Variants in PLEKHG1 observed in about 807,000 individuals in gnomAD.
PLEKHG1 encodes the protein pleckstrin homology and RhoGEF domain containing G1.
Under a neutral mutation model 100.8 loss-of-function variants are expected in PLEKHG1, and 44 were observed. That is an observed-to-expected ratio of 0.44 (90% confidence interval 0.34 to 0.56). The LOEUF (loss-of-function observed/expected upper bound fraction) is 0.56, where lower values mean the gene tolerates loss of function less well. Among genes scored for constraint, PLEKHG1 ranks in the 20% least tolerant of loss-of-function variants. PLEKHG1 has a pLI of 0.01. For missense variants in PLEKHG1, 1,545 were observed against 1,720.9 expected (o/e 0.90, Z 1.81); for synonymous variants, 640 against 662.5 (o/e 0.97, Z 0.52).
chr6:150,755,380 TACG>T (rs1394070186), intron 2 of PLEKHG1, among the ~76,000 whole-genome samples: 2 of 152,228 alleles, frequency 1.3e-5, no homozygotes, highest in Non-Finnish European at 2.9e-5. Context: ...TTAGCCTTCC[TACG>T]GCACTGGTAT....
At chr6:150,712,178 C>T (rs182264593) in intron 3 of PLEKHG1, among the ~76,000 whole-genome samples, 10 of 152,216 alleles carry the variant, frequency 6.6e-5, no homozygotes, top group Admixed American at 1.3e-4. Context: ...GTTAAGGGAG[C>T]GCAAGAAAGG....
At chr6:150,834,579 C>A (rs1346707823) in intron 15 of PLEKHG1, among the ~76,000 whole-genome samples, 1 of 152,218 alleles carries the variant, frequency 6.6e-6, no homozygotes, top group Non-Finnish European at 1.5e-5. Flanking sequence ...GGGCCTACGA[C>A]TACCTCGAGT....
At chr6:150,805,685 G>A (rs537847405) in intron 7 of PLEKHG1, among the ~76,000 whole-genome samples, 27 of 151,944 alleles carry the variant, frequency 1.8e-4, no homozygotes, top group African/African-American at 4.4e-4. Flanking sequence ...ATACCACCAC[G>A]CCCGGCTCAT....
chr6:150,718,623 C>T (rs1781531642), upstream of PLEKHG1, among the ~76,000 whole-genome samples: 1 of 152,088 alleles, frequency 6.6e-6, no homozygotes, highest in Non-Finnish European at 1.5e-5. Context: ...GCATGCACCA[C>T]CACGTCTGGC....
At chr6:150,729,209 C>T (rs1023972173) in intron 1 of PLEKHG1, among the ~76,000 whole-genome samples, 1 of 152,132 alleles carries the variant, frequency 6.6e-6, no homozygotes, top group South Asian at 2.1e-4. Flanking sequence ...AGGCACAGGC[C>T]GTCACACCTG....
chr6:150,831,961 C>T lies in PLEKHG1; in HGVS notation c.2850C>T (p.Ala950=). Residue 950 remains alanine (A), a synonymous_variant, in exon 15 of 16, where the codon GCC becomes GCT. Transcript: ENST00000358517. The surrounding 1 kb of genome is among the most constrained non-coding windows in gnomAD (Gnocchi z 4.1). ...TCATGGACAATCCCTACGACCTGGC[C>T]AACAGTGGCCTGTCTCAAACAGACC... 1 of 1,613,430 alleles carries T rather than the reference C, an allele frequency of 6.2e-7. No homozygotes were observed. Among genetic ancestry groups the T allele is most frequent in the Middle Eastern group, 1.7e-4 (1 of 6,056 alleles).
chr6:150,680,197 T>G (rs931017436), intron 3 of PLEKHG1, among the ~76,000 whole-genome samples: 6 of 152,220 alleles, frequency 3.9e-5, no homozygotes, highest in East Asian at 3.9e-4. Context: ...GTTATACTAG[T>G]ACAGATGGAA....
intron 2 of PLEKHG1, among the ~76,000 whole-genome samples, chr6:150,756,439 A>G (rs906752015): frequency 2.0e-5 from 3 of 152,192 alleles, no homozygotes; most frequent in African/African-American, 7.2e-5. Flanking sequence ...TGAGCGGAAT[A>G]ACTTAGCCAT....
chr6:150,612,059 C>CACTGG lies in PLEKHG1; in HGVS notation c.-204+12042_-204+12043insACTGG, dbSNP rs1554251538. On this transcript the variant is annotated intron_variant, in intron 1 of 3. Transcript: ENST00000367326. ...CCTGGTGTTGTTCCCCCCCCCCCCC[C>CACTGG]CTTTTCTAGTTCTTAGTTAATAGCA... Among the ~76,000 whole-genome samples the CACTGG allele has an allele frequency of 2.7e-5, 2 of 74,556 alleles. 1 individual carries two copies. The highest frequency in any genetic ancestry group is 2.4e-4 in the Admixed American group (2 of 8,318). The allele number at this position is 74,556 out of a possible 152,430, so 48.9% of individuals were successfully genotyped here.
intron 14 of PLEKHG1, chr6:150,828,154 C>G (rs976494922): frequency 6.2e-7 from 1 of 1,613,698 alleles, no homozygotes; most frequent in African/African-American, 1.3e-5. Flanking sequence ...AGGAATCTGC[C>G]CACGATATTT....
intron 2 of PLEKHG1, among the ~76,000 whole-genome samples, chr6:150,746,821 A>C (rs963928276): frequency 6.6e-6 from 1 of 152,230 alleles, no homozygotes; most frequent in African/African-American, 2.4e-5. Flanking sequence ...GAGGACAGAC[A>C]GTGTAATGGG....
intron 1 of PLEKHG1, among the ~76,000 whole-genome samples, chr6:150,612,046 C>A (rs1033557762): frequency 1.8e-4 from 1 of 5,454 alleles, no homozygotes; most frequent in African/African-American, 5.1e-4. Flanking sequence ...TGGTGTTGTT[C>A]CCCCCCCCCC....
chr6:150,760,189 A>C (rs540540709), intron 2 of PLEKHG1, among the ~76,000 whole-genome samples: 1 of 152,262 alleles, frequency 6.6e-6, no homozygotes, highest in South Asian at 2.1e-4. Context: ...ATGAAGATGA[A>C]TCAGTTTCTT....
chr6:150,798,605 T>C (rs186384882), intron 5 of PLEKHG1, among the ~76,000 whole-genome samples: 223 of 152,332 alleles, frequency 1.5e-3, no homozygotes, highest in Admixed American at 4.0e-3. Flanking sequence ...AAGCAGTTTC[T>C]GTTCTTTTGA....
intron 15 of PLEKHG1, among the ~76,000 whole-genome samples, chr6:150,835,472 T>A (rs901469157): frequency 6.6e-6 from 1 of 152,198 alleles, no homozygotes; most frequent in African/African-American, 2.4e-5. Flanking sequence ...GCAAACATTA[T>A]TCTAAATTTT....
intron 10 of PLEKHG1, among the ~76,000 whole-genome samples, chr6:150,810,185 G>C (rs949806703): frequency 5.9e-5 from 9 of 151,706 alleles, no homozygotes; most frequent in Non-Finnish European, 1.3e-4. Flanking sequence ...TGTAGTCCCA[G>C]TTACTCTGGG....
intron 1 of PLEKHG1, among the ~76,000 whole-genome samples, chr6:150,609,013 T>G (rs1776717041): frequency 1.3e-5 from 2 of 152,180 alleles, no homozygotes; most frequent in African/African-American, 2.4e-5. Flanking sequence ...GCTGGAATAA[T>G]AAACCAACAT....
At chr6:150,704,611 T>G (rs1340042494) in intron 3 of PLEKHG1, among the ~76,000 whole-genome samples, 14 of 152,242 alleles carry the variant, frequency 9.2e-5, no homozygotes, top group Non-Finnish European at 1.8e-4. Flanking sequence ...CAGGTACCTT[T>G]GCCCATTCCT....
At chr6:150,790,552 C>A (rs13206382) in intron 4 of PLEKHG1, among the ~76,000 whole-genome samples, 1 of 152,056 alleles carries the variant, frequency 6.6e-6, no homozygotes, top group Non-Finnish European at 1.5e-5. Context: ...AGTCCTACAT[C>A]GAGAGATCTA....
Sources: gnomAD v4.1 joint callset for allele counts (sites outside exome capture counted in the v4.1 genomes callset) on GRCh38, gnomAD v4.1.1 for gene constraint, Gnocchi (gnomAD v3.1) non-coding constraint, MANE v1.5 for transcripts, NCBI Gene and HGNC (gene_info 2026-07-23, HGNC 2026-07-21) for gene names.